Variants in CADPS observed in about 807,000 individuals in gnomAD.
CADPS encodes calcium dependent secretion activator, also known as calcium-dependent secretion activator 1.
In CADPS, 57 loss-of-function variants were observed where a neutral mutation model predicts 167.3. The observed-to-expected ratio is 0.34, with a 90% CI of 0.28 to 0.42. CADPS has a LOEUF of 0.42. Ranked by LOEUF, CADPS falls within the 20% of genes least tolerant of loss-of-function variation. The pLI, the probability that CADPS is intolerant of heterozygous loss-of-function variation, is 1.00. For missense variants in CADPS, 1,414 were observed against 1,738.1 expected (o/e 0.81, Z 3.32); for synonymous variants, 676 against 635.3 (o/e 1.06, Z -0.96).
At chr3:62,771,294 A>G (rs1441563451) in intron 1 of CADPS, among the ~76,000 whole-genome samples, 3 of 152,210 alleles carry the variant, frequency 2.0e-5, no homozygotes, top group Admixed American at 6.5e-5. Context: ...TAACAGTATC[A>G]AGGCACAATC....
In CADPS at chr3:62,438,715, TTGTGTGTGTGTG is replaced by T. The variant is rs34771903; in HGVS notation, c.3670-516_3670-505del. The T allele has an allele frequency of 4.0e-4, 58 of 144,262 alleles. No individual in the cohort carries two copies. Among genetic ancestry groups the T allele is most frequent in the South Asian group, 6.7e-4 (3 of 4,472 alleles). The allele number at this position is 144,262 out of a possible 1,614,324, so 8.9% of individuals were successfully genotyped here. The stretch of plus-strand genomic sequence containing the variant: ...TATACCTCTTCCTACCCAAGTCTCA[TTGTGTGTGTGTG>T]TGTGTGTGTGTGTGTGTGTGTGTGT... On this transcript the variant is annotated intron_variant, in intron 27 of 29. Transcript: ENST00000383710. This position sits in a 1 kb window ranked among gnomAD's most constrained non-coding sequence, Gnocchi z 4.7.
intron 17 of CADPS, among the ~76,000 whole-genome samples, 180 bp downstream of exon 17, chr3:62,512,571 G>T (rs905853901): frequency 1.3e-5 from 2 of 152,002 alleles, no homozygotes; most frequent in Non-Finnish European, 2.9e-5. Context: ...CTCTATAAAG[G>T]TCAACATCAA....
intron 1 of CADPS, among the ~76,000 whole-genome samples, chr3:62,870,687 G>A (rs1184077967): frequency 6.6e-6 from 1 of 152,076 alleles, no homozygotes; most frequent in Non-Finnish European, 1.5e-5. Flanking sequence ...CTATACCTAT[G>A]TATGTAGACA....
intron 6 of CADPS, among the ~76,000 whole-genome samples, chr3:62,642,707 G>A (rs1002016838): frequency 2.6e-5 from 4 of 152,066 alleles, no homozygotes; most frequent in Non-Finnish European, 5.9e-5. Context: ...CCAAGAGTTC[G>A]AGACCAGCCT....
At chr3:62,449,909 C>T (rs1576230690) in intron 26 of CADPS, among the ~76,000 whole-genome samples, 1 of 151,964 alleles carries the variant, frequency 6.6e-6, no homozygotes, top group East Asian at 1.9e-4. Flanking sequence ...TCTGGCTTTG[C>T]CATTTTTTAG....
chr3:62,795,294 C>T (rs942643453), intron 1 of CADPS, among the ~76,000 whole-genome samples: 2 of 152,054 alleles, frequency 1.3e-5, no homozygotes, highest in African/African-American at 4.8e-5. Flanking sequence ...ATCTCTTCCA[C>T]TACAACCCTT....
chr3:62,415,261 G>A (rs1264423272), intron 28 of CADPS, among the ~76,000 whole-genome samples: 5 of 152,012 alleles, frequency 3.3e-5, no homozygotes, highest in Non-Finnish European at 5.9e-5. Context: ...AAAAAACGGC[G>A]CTCGGTTGCT....
At chr3:62,586,395 G>A (rs1407056490) in intron 7 of CADPS, among the ~76,000 whole-genome samples, 1 of 152,100 alleles carries the variant, frequency 6.6e-6, no homozygotes, top group Non-Finnish European at 1.5e-5. Context: ...TCTAGATGCT[G>A]TATCAGCTTC....
intron 28 of CADPS, among the ~76,000 whole-genome samples, chr3:62,431,857 A>C (rs1032602114): frequency 1.3e-5 from 2 of 151,360 alleles, no homozygotes; most frequent in South Asian, 2.1e-4. Context: ...GAAAAAGAGT[A>C]CATTATATAT....
intron 3 of CADPS, among the ~76,000 whole-genome samples, chr3:62,668,695 A>G (rs998923281): frequency 3.3e-5 from 5 of 152,130 alleles, no homozygotes; most frequent in African/African-American, 4.8e-5. Flanking sequence ...TGTAAGCTCC[A>G]TAAGGGCAGG....
chr3:62,603,688 T>C (rs1405671808), intron 6 of CADPS, among the ~76,000 whole-genome samples: 1 of 152,208 alleles, frequency 6.6e-6, no homozygotes. Flanking sequence ...TTCCATCTCT[T>C]TGCTTATATT....
chr3:62,476,490 T>A (rs1434255898), intron 23 of CADPS, among the ~76,000 whole-genome samples: 1 of 152,124 alleles, frequency 6.6e-6, no homozygotes, highest in African/African-American at 2.4e-5. Flanking sequence ...CAGTAAAAGG[T>A]TGCTTAACAG....
intron 11 of CADPS, among the ~76,000 whole-genome samples, chr3:62,542,677 C>A (rs954389127): frequency 8.5e-5 from 13 of 152,084 alleles, no homozygotes; most frequent in African/African-American, 3.1e-4. Flanking sequence ...AAGAGGATGG[C>A]TTCTTTGGAA....
rs193228979 is a variant in CADPS, at chr3:62,520,570, G to A, written c.2292-2320C>T. Among the ~76,000 whole-genome samples the A allele has an allele frequency of 4.4e-3, 671 of 152,172 alleles. 2 individuals are homozygous for A. The highest frequency in any genetic ancestry group is 7.4e-3 in the African/African-American group (306 of 41,516). On this transcript the variant is annotated intron_variant, in intron 13 of 29. Transcript: ENST00000383710. ...GCTTCTTGATCACCTATGTCAGCGC[G>A]ACAACTTTTATTTTAAATAAAACAA...
intron 4 of CADPS, among the ~76,000 whole-genome samples, chr3:62,659,527 C>A (rs978553091): frequency 5.3e-5 from 8 of 152,170 alleles, no homozygotes; most frequent in African/African-American, 1.9e-4. Flanking sequence ...CTTGACATCT[C>A]AGTGTAGACT....
At chr3:62,667,037 GTTTTT>G (rs35606285) in intron 3 of CADPS, among the ~76,000 whole-genome samples, 1 of 133,730 alleles carries the variant, frequency 7.5e-6, no homozygotes, top group Non-Finnish European at 1.6e-5. Context: ...TTCCAATCTT[GTTTTT>G]TTTTTTTTTT....
chr3:62,791,395 C>T (rs141008508), intron 1 of CADPS, among the ~76,000 whole-genome samples: 178 of 152,258 alleles, frequency 1.2e-3, no homozygotes, highest in African/African-American at 3.9e-3. Flanking sequence ...TACAGCCTTG[C>T]TATATAGAAT....
chr3:62,567,855 G>A (rs6445277), intron 9 of CADPS, among the ~76,000 whole-genome samples: 3,965 of 152,112 alleles, frequency 0.026, 167 homozygotes, highest in African/African-American at 0.091. Flanking sequence ...GATTACAGGC[G>A]TCAGCCACTG....
chr3:62,438,236 A>C lies in CADPS; in HGVS notation c.3670-25T>G, dbSNP rs1235156316. ...TCTGTAAAGAAACAGGAAAACATGA[A>C]AACGAATTTTCAGACAGCCACTCTT... On this transcript the variant is annotated intron_variant, in intron 27 of 29. Transcript: ENST00000383710. This position sits in a 1 kb window ranked among gnomAD's most constrained non-coding sequence, Gnocchi z 4.7. 1.6e-5 allele frequency: 25 copies of C among 1,569,706 alleles called. No homozygotes were observed. The highest frequency in any genetic ancestry group is 2.1e-5 in the Non-Finnish European group (24 of 1,139,970).
Sources: allele counts gnomAD v4.1 joint callset (sites outside exome capture counted in the v4.1 genomes callset), GRCh38; gene constraint gnomAD v4.1.1; non-coding constraint Gnocchi (gnomAD v3.1); transcripts MANE v1.5; gene names NCBI Gene and HGNC (gene_info 2026-07-23, HGNC 2026-07-21).